The following WWOX variants were observed in gnomAD, a reference collection of about 807,000 sequenced individuals.
WWOX encodes the protein WW domain containing oxidoreductase.
Under a neutral mutation model 46.2 loss-of-function variants are expected in WWOX, and 69 were observed. The observed-to-expected ratio is 1.49, with a 90% CI of 1.23 to 1.82. The LOEUF is 1.82. WWOX is among the 40% of genes most tolerant of loss of function. WWOX has a pLI of 0.00. For synonymous variants in WWOX, 359 were observed against 202.6 expected (o/e 1.77, Z -6.56); for missense variants, 919 against 542.6 (o/e 1.69, Z -6.89).
intron 8 of WWOX, among the ~76,000 whole-genome samples, chr16:78,937,447 ACTTT>A (rs1418264759): frequency 4.1e-5 from 3 of 72,880 alleles, no homozygotes; most frequent in African/African-American, 2.0e-4. Context: ...ATTTGTATTA[ACTTT>A]TTTTTTTTTT....
chr16:78,858,157 T>C (rs1176471162), intron 8 of WWOX, among the ~76,000 whole-genome samples: 1 of 151,786 alleles, frequency 6.6e-6, no homozygotes, highest in Admixed American at 6.6e-5. Context: ...TGTGTGTGTG[T>C]GTGTGTGTGT....
At chr16:78,568,828 C>G (rs2044642327) in intron 8 of WWOX, among the ~76,000 whole-genome samples, 1 of 152,324 alleles carries the variant, frequency 6.6e-6, no homozygotes, top group South Asian at 2.1e-4. Flanking sequence ...AATATTAATA[C>G]TAGTGTGTGC....
chr16:78,604,278 C>T (rs1468374716), intron 8 of WWOX, among the ~76,000 whole-genome samples: 4 of 152,196 alleles, frequency 2.6e-5, no homozygotes, highest in African/African-American at 9.7e-5. Flanking sequence ...TTCTCTACCA[C>T]ACCAATGCCT....
intron 8 of WWOX, among the ~76,000 whole-genome samples, chr16:78,886,706 C>G (rs1340222914): frequency 1.3e-5 from 2 of 148,724 alleles, no homozygotes; most frequent in Non-Finnish European, 3.0e-5. Context: ...AAAAGAAAAA[C>G]ATATAGAGAA....
At position 78,419,027 on chromosome 16, in the gene WWOX, A is replaced by G. The variant is rs527324923; in HGVS notation, c.606-5843A>G. On this transcript the variant is annotated intron_variant, in intron 6 of 8. Coordinates refer to ENST00000566780, the MANE Select transcript of WWOX (RefSeq NM_016373.4). ...GTAAAACTATCTTTATTTGCAAATG[A>G]AATCACCTTATCTGTAGAAAATCCT... 2.0e-5 allele frequency among the ~76,000 whole-genome samples: 3 copies of G among 152,356 alleles called. No individual in the cohort carries two copies. In the South Asian group the frequency reaches 6.2e-4, roughly 32 times the overall value.
At chr16:78,212,469 A>C (rs2036588661) in intron 5 of WWOX, among the ~76,000 whole-genome samples, 1 of 152,084 alleles carries the variant, frequency 6.6e-6, no homozygotes, top group South Asian at 2.1e-4. Flanking sequence ...TTCTTTGACT[A>C]CCTCTGTAGT....
At chr16:78,505,575 A>C (rs966656925) in intron 8 of WWOX, among the ~76,000 whole-genome samples, 3 of 152,180 alleles carry the variant, frequency 2.0e-5, no homozygotes, top group African/African-American at 7.2e-5. Flanking sequence ...TACAGCGCCC[A>C]GTGCCCTACC....
At chr16:78,524,081 C>T (rs111930408) in intron 8 of WWOX, among the ~76,000 whole-genome samples, 2,062 of 152,322 alleles carry the variant, frequency 0.014, 40 homozygotes, top group African/African-American at 0.044. Context: ...ATCAAGTCAA[C>T]ATCAAATAAC....
chr16:78,335,265 G>C (rs13336051), intron 5 of WWOX, among the ~76,000 whole-genome samples: 10,980 of 152,208 alleles, frequency 0.072, 1,163 homozygotes, highest in African/African-American at 0.23. Context: ...ATTAGCTGTT[G>C]TTGCTGATGC....
intron 5 of WWOX, among the ~76,000 whole-genome samples, chr16:78,318,663 A>T (rs2080402964): frequency 6.6e-6 from 1 of 152,166 alleles, no homozygotes; most frequent in Middle Eastern, 3.2e-3. Context: ...AGTAAGTGGG[A>T]TAATAAATGT....
At chr16:78,377,070 T>A (rs368787312) in intron 5 of WWOX, among the ~76,000 whole-genome samples, 2 of 152,244 alleles carry the variant, frequency 1.3e-5, no homozygotes, top group Non-Finnish European at 2.9e-5. Flanking sequence ...TTTTCTTTTA[T>A]CACTGACTTC....
In WWOX at chr16:78,308,299, C is replaced by G. The variant is rs546865030; in HGVS notation, c.517-78561C>G. Among the ~76,000 whole-genome samples the G allele has an allele frequency of 1.3e-3, 192 of 152,278 alleles. 2 individuals are homozygous for G. Among genetic ancestry groups the G allele is most frequent in the African/African-American group, 4.3e-3 (178 of 41,548 alleles). On this transcript the variant is annotated intron_variant, in intron 5 of 8. Transcript: ENST00000566780. ...CCCCAAGCAACTGAATGGATCCCTGCCTCTGGGCCAAGGGGATTCCGAAAT... is the reference window on the plus strand; with the variant it reads ...CCCCAAGCAACTGAATGGATCCCTGGCTCTGGGCCAAGGGGATTCCGAAAT...
intron 8 of WWOX, among the ~76,000 whole-genome samples, chr16:78,758,897 C>A (rs140666435): frequency 6.6e-6 from 1 of 150,616 alleles, no homozygotes; most frequent in African/African-American, 2.4e-5. Flanking sequence ...TCTTCCCAAG[C>A]CAGCATTTTA....
chr16:78,451,153 C>G (rs1016474614), intron 8 of WWOX, among the ~76,000 whole-genome samples: 6 of 152,060 alleles, frequency 3.9e-5, no homozygotes, highest in African/African-American at 1.4e-4. Context: ...GAGTGGAGGC[C>G]GATTTCATCC....
intron 8 of WWOX, among the ~76,000 whole-genome samples, chr16:78,527,158 A>G (rs1332501550): frequency 6.6e-6 from 1 of 152,156 alleles, no homozygotes; most frequent in Non-Finnish European, 1.5e-5. Context: ...AGCGGGGTAA[A>G]AAAACAACAA....
At chr16:78,718,576 C>A (rs940856065) in intron 8 of WWOX, among the ~76,000 whole-genome samples, 2 of 151,910 alleles carry the variant, frequency 1.3e-5, no homozygotes, top group Non-Finnish European at 2.9e-5. Flanking sequence ...CATGGGTGGT[C>A]CATGCCTCTA....
At chr16:79,127,123 A>T (rs1036876883) in intron 8 of WWOX, among the ~76,000 whole-genome samples, 13 of 151,756 alleles carry the variant, frequency 8.6e-5, no homozygotes, top group Non-Finnish European at 1.3e-4. Flanking sequence ...TCAAAAGTAG[A>T]AGATAAAAAC....
At position 78,477,784 on chromosome 16, in the gene WWOX, A is replaced by G. The variant is rs975862441; in HGVS notation, c.1056+45032A>G. Reference sequence around the variant, plus strand: ...AATTTTTTAATTGTAGAAGGAGAGAATTATGAATTCAAGTCAAACACATTA... The same window carrying G: ...AATTTTTTAATTGTAGAAGGAGAGAGTTATGAATTCAAGTCAAACACATTA... On this transcript the variant is annotated intron_variant, in intron 8 of 8. Transcript: ENST00000566780. 2.6e-5 allele frequency among the ~76,000 whole-genome samples: 4 copies of G among 152,196 alleles called. No individual in the cohort carries two copies. In the South Asian group the frequency reaches 6.2e-4, roughly 24 times the overall value.
chr16:78,338,484 A>T (rs1395932879), intron 5 of WWOX, among the ~76,000 whole-genome samples: 2 of 121,442 alleles, frequency 1.6e-5, no homozygotes, highest in African/African-American at 5.6e-5. Context: ...TGTTATCTTT[A>T]TGGAGTTAAG....
Sources: gnomAD v4.1 joint callset for allele counts (sites outside exome capture counted in the v4.1 genomes callset) on GRCh38, gnomAD v4.1.1 for gene constraint, MANE v1.5 for transcripts, NCBI Gene and HGNC (gene_info 2026-07-23, HGNC 2026-07-21) for gene names.